Variants in ITGA7 observed in about 807,000 individuals in gnomAD.
ITGA7 encodes integrin subunit alpha 7, also known as integrin alpha-7.
Under a neutral mutation model 131.6 loss-of-function variants are expected in ITGA7, and 84 were observed. The ratio of observed to expected loss-of-function variants is 0.64; its 90% CI spans 0.54 to 0.77. The LOEUF is 0.77. Ranked by LOEUF, ITGA7 falls within the 30% of genes least tolerant of loss-of-function variation. The pLI, the probability that ITGA7 is intolerant of heterozygous loss-of-function variation, is 0.00. For synonymous variants in ITGA7, 548 were observed against 600.7 expected (o/e 0.91, Z 1.28); for missense variants, 1,399 against 1,482.9 (o/e 0.94, Z 0.93).
In ITGA7 at chr12:55,707,351, G is replaced by C. The variant is rs989313268; in HGVS notation, c.206+126C>G. ...AGGCAAGGCTCCAGGTTGGGATGTG[G>C]GATGTCTGTGGGCAGTCTAGGTCTT... is the stretch of plus-strand genomic sequence containing the variant. On this transcript the variant is annotated intron_variant, in intron 1 of 24. Coordinates refer to ENST00000257879, the MANE Select transcript of ITGA7 (RefSeq NM_002206.3). 5.3e-6 allele frequency: 4 copies of C among 761,218 alleles called. No homozygotes were observed. The Admixed American group carries it at 6.8e-5, about 13-fold the overall frequency. The allele number at this position is 761,218 out of a possible 1,614,324, so 47.2% of individuals were successfully genotyped here. A position where few individuals can be genotyped will look rare whatever the true frequency, so the allele number is the denominator to read the frequency against.
At position 55,693,049 on chromosome 12, in the gene ITGA7, C is replaced by T. The variant is rs147248252; in HGVS notation, c.2713-74G>A. On this transcript the variant is annotated intron_variant, in intron 20 of 24. Transcript: ENST00000257879. Reference sequence around the variant, plus strand: ...TGCTAAGATCGAATCTCCTCCCCACCGCCTTCCTCCTGCCCCATCACTGCA... The same window carrying T: ...TGCTAAGATCGAATCTCCTCCCCACTGCCTTCCTCCTGCCCCATCACTGCA... 2,107 of 1,611,932 alleles carry T rather than the reference C, an allele frequency of 1.3e-3. 3 individuals are homozygous for T. Among genetic ancestry groups the T allele is most frequent in the African/African-American group, 2.7e-3 (204 of 75,022 alleles).
chr12:55,697,806 G>C lies in ITGA7; in HGVS notation c.1298C>G (p.Ala433Gly). The C allele has an allele frequency of 6.2e-7, 1 of 1,614,102 alleles. No homozygotes were observed. The highest frequency in any genetic ancestry group is 8.5e-7 in the Non-Finnish European group (1 of 1,180,018). Residue 433 changes from alanine to glycine, a missense_variant, in exon 9 of 25, where the codon GCT (alanine) becomes GGT (glycine). By Grantham distance (60) the Ala-to-Gly change is moderately conservative (BLOSUM62 0). Coordinates refer to ENST00000257879, the MANE Select transcript of ITGA7 (RefSeq NM_002206.3). ...AKPSQVLEGE[A>G]VGIKSFGYSL... ...GTAGCCGAAGCTCTTGATGCCCACA[G>C]CCTCGCCCTCCAGCACCTAGAGAAC...
chr12:55,692,714 C>T (rs1318742886), intron 21 of ITGA7, 130 bp downstream of exon 21: 2 of 1,233,400 alleles, frequency 1.6e-6, no homozygotes, highest in East Asian at 2.5e-5. Flanking sequence ...TCCCGGGCAC[C>T]CCCTCCTATG....
Position 55,688,271 on chromosome 12 carries a change from C to A in ITGA7, c.2988G>T (p.Val996=), listed in dbSNP as rs753967257. 2.0e-5 allele frequency: 32 copies of A among 1,614,010 alleles called. 1 individual carries two copies. The South Asian group carries it at 3.4e-4, about 17-fold the overall frequency. ...EEYSAVKSLE[V]IVRANITVKS... ...TCACTGTGATGTTGGCCCGGACAAT[C>A]ACTTCCAGGGACTTCACAGCTGAGT... The change falls in exon 23 of 25, where the codon GTG becomes GTT. Residue 996 remains valine, a synonymous_variant. Coordinates refer to ENST00000257879, the MANE Select transcript of ITGA7 (RefSeq NM_002206.3).
rs768326657 is a variant in ITGA7, at chr12:55,700,223, G to C, written c.671-234C>G. 9 of 1,576,134 alleles carry C rather than the reference G, an allele frequency of 5.7e-6. No homozygotes were observed. The South Asian group carries it at 9.3e-5, about 16-fold the overall frequency. ...AGAGAGAGGACAAGAGAGAGGAGCA[G>C]AGGGTTAGAGCAGTTCTGGGCCGGG... is the stretch of plus-strand genomic sequence containing the variant. On this transcript the variant is annotated intron_variant, in intron 4 of 24. Transcript: ENST00000257879.
At chr12:55,688,324 C>T (rs780508441) in intron 22 of ITGA7, 24 bp from the exon 23 acceptor site, 11 of 1,545,678 alleles carry the variant, frequency 7.1e-6, no homozygotes, top group Non-Finnish European at 8.9e-6. Context: ...GAAGGAGACC[C>T]TTCTCCTAAA....
chr12:55,709,052 C>T (rs1875778969), upstream of ITGA7, among the ~76,000 whole-genome samples: 2 of 152,206 alleles, frequency 1.3e-5, no homozygotes, highest in African/African-American at 4.8e-5. Context: ...TTCCTACTCC[C>T]CTTGCTTACT....
At chr12:55,706,421 T>C (rs1464031967) in intron 1 of ITGA7, among the ~76,000 whole-genome samples, 1 of 152,102 alleles carries the variant, frequency 6.6e-6, no homozygotes, top group Non-Finnish European at 1.5e-5. Context: ...CCCTGCCCCC[T>C]GCCCCCAGAC....
chr12:55,699,684 G>A (rs935503516), intron 5 of ITGA7, 186 bp downstream of exon 5: 1 of 733,114 alleles, frequency 1.4e-6, no homozygotes, highest in Admixed American at 2.4e-5. Flanking sequence ...CACCACCCTG[G>A]GGGCCTCCTC....
At chr12:55,708,772 G>T (rs1269681169), upstream of ITGA7, among the ~76,000 whole-genome samples, 2 of 152,208 alleles carry the variant, frequency 1.3e-5, no homozygotes, top group East Asian at 3.8e-4. Context: ...TCCCAGGACT[G>T]CACATTTCCT....
At chr12:55,701,583 CTTT>C (rs11356595) in intron 3 of ITGA7, among the ~76,000 whole-genome samples, 44 of 145,068 alleles carry the variant, frequency 3.0e-4, no homozygotes, top group African/African-American at 3.8e-4. Flanking sequence ...CCAAGTATTA[CTTT>C]TTTTTTTTTT....
At chr12:55,699,773 G>T in intron 5 of ITGA7, 97 bp downstream of exon 5, 1 of 1,417,394 alleles carries the variant, frequency 7.1e-7, no homozygotes. Flanking sequence ...TGTGTTGGGG[G>T]AGGAGGAGAT....
chr12:55,687,574 C>CT (rs1870499392), intron 24 of ITGA7, among the ~76,000 whole-genome samples: 1 of 148,050 alleles, frequency 6.8e-6, no homozygotes, highest in Non-Finnish European at 1.5e-5. Context: ...TCACTGCAAC[C>CT]CCACCTTTCG....
Position 55,684,688 on chromosome 12 carries a change from A to G in ITGA7, c.*370T>C, listed in dbSNP as rs1410391739. 3.6e-5 allele frequency: 9 copies of G among 251,328 alleles called. No homozygotes were observed. Among genetic ancestry groups the G allele is most frequent in the Non-Finnish European group, 5.3e-5 (7 of 131,328 alleles). 15.6% of individuals were successfully genotyped at this position (251,328 alleles called of 1,614,324 possible). ...AAGGAGCAGCCTGAGTCAGTGACAC[A>G]ACCTCCTCCCCGACCCTCTAGGTTA... On this transcript the variant is annotated 3_prime_UTR_variant, in exon 25 of 25. Transcript: ENST00000257879.
In ITGA7 at chr12:55,694,886, C is replaced by T. The variant is rs1342614050; in HGVS notation, c.2088G>A (p.Ser696=). ...CATCAGCCTGGGGCTGGGCTGGGTC[C>T]GATGGCAGGTTGGTGACCATCAGCT... is the stretch of plus-strand genomic sequence containing the variant. ...GLELMVTNLP[S]DPAQPQADGD... The change falls in exon 15 of 25, where the codon TCG becomes TCA. Residue 696 remains serine (S), a synonymous_variant. Transcript: ENST00000257879. The surrounding 1 kb of genome is among the most constrained non-coding windows in gnomAD (Gnocchi z 5.3). 4.3e-6 allele frequency: 7 copies of T among 1,614,044 alleles called. No individual in the cohort carries two copies. Among genetic ancestry groups the T allele is most frequent in the Non-Finnish European group, 5.9e-6 (7 of 1,179,988 alleles).
Position 55,692,873 on chromosome 12 carries a change from A to G in ITGA7, c.2815T>C (p.Ser939Pro). The change falls in exon 21 of 25, where the codon TCT becomes CCT. Residue 939 changes from serine to proline, a missense_variant. Physicochemically the swap from Ser to Pro is moderately conservative, Grantham distance 74. Transcript: ENST00000257879. ...GTGATGTTTTTCTTCTTCTCAGCAG[A>G]GGACACTGGCCACCAGGACATGCTG... ...EPSMSWWPVS[S>P]AEKKKNITLD... 1 of 1,613,824 alleles carries G rather than the reference A, an allele frequency of 6.2e-7. No homozygotes were observed. The highest frequency in any genetic ancestry group is 1.3e-5 in the African/African-American group (1 of 75,014).
intron 9 of ITGA7, 63 bp from the exon 10 acceptor site, chr12:55,697,609 G>A (rs1212613222): frequency 6.2e-7 from 1 of 1,610,098 alleles, no homozygotes; most frequent in Admixed American, 1.7e-5. Context: ...ACACTCTTCA[G>A]CATTAGATTT....
intron 1 of ITGA7, among the ~76,000 whole-genome samples, chr12:55,704,366 T>TGAG (rs1874738426): frequency 6.6e-6 from 1 of 152,216 alleles, no homozygotes. Context: ...TGCCATCCCT[T>TGAG]GTCAGAGCCA....
At chr12:55,696,759 A>T in intron 12 of ITGA7, 140 bp downstream of exon 12, 3 of 943,880 alleles carry the variant, frequency 3.2e-6, no homozygotes, top group Non-Finnish European at 5.0e-6. Flanking sequence ...GGAGGAAGTG[A>T]GCTCAGAAGA....
Sources: gnomAD v4.1 joint callset for allele counts (sites outside exome capture counted in the v4.1 genomes callset) on GRCh38, gnomAD v4.1.1 for gene constraint, Gnocchi (gnomAD v3.1) non-coding constraint, MANE v1.5 for transcripts, NCBI Gene and HGNC (gene_info 2026-07-23, HGNC 2026-07-21) for gene names.